Variants in TENM2 observed in about 807,000 individuals in gnomAD.
TENM2 encodes the protein teneurin transmembrane protein 2.
TENM2 carries 52 observed loss-of-function variants against 245.2 expected under a neutral mutation model. The observed-to-expected ratio is 0.21, with a 90% CI of 0.17 to 0.27. The LOEUF (loss-of-function observed/expected upper bound fraction) is 0.27, where lower values mean the gene tolerates loss of function less well. Among genes scored for constraint, TENM2 ranks in the 10% least tolerant of loss-of-function variants. The pLI, the probability that TENM2 is intolerant of heterozygous loss-of-function variation, is 1.00. For missense variants in TENM2, 3,046 were observed against 3,666.8 expected (o/e 0.83, Z 4.37); for synonymous variants, 1,363 against 1,438.9 (o/e 0.95, Z 1.19).
At chr5:167,585,420 T>A (rs1775418925) in intron 2 of TENM2, among the ~76,000 whole-genome samples, 1 of 152,222 alleles carries the variant, frequency 6.6e-6, no homozygotes, top group Non-Finnish European at 1.5e-5. Flanking sequence ...AGCATTGTGA[T>A]CATGAATACA....
intron 2 of TENM2, among the ~76,000 whole-genome samples, chr5:167,419,863 A>G (rs929983767): frequency 6.6e-6 from 1 of 152,224 alleles, no homozygotes; most frequent in African/African-American, 2.4e-5. Flanking sequence ...AATTGTAAGT[A>G]ACAAGAGGGG....
At chr5:167,181,215 G>C in the TENM2 span, among the ~76,000 whole-genome samples, 2 of 152,122 alleles carry the variant, frequency 1.3e-5, no homozygotes, top group African/African-American at 4.8e-5. Context: ...CAACAAAAAT[G>C]CTGACCTGGT....
chr5:167,257,100 A>G, the TENM2 span, among the ~76,000 whole-genome samples: 6 of 152,150 alleles, frequency 3.9e-5, no homozygotes, highest in Admixed American at 6.6e-5. Flanking sequence ...GCATCTTTCT[A>G]TCTGACAAGC....
At chr5:167,679,938 AC>A (rs751075092) in intron 2 of TENM2, among the ~76,000 whole-genome samples, 3 of 152,034 alleles carry the variant, frequency 2.0e-5, no homozygotes, top group Admixed American at 6.6e-5. Context: ...GGCCAAGATA[AC>A]CTTTATTTTT....
At chr5:167,234,034 A>AG in the TENM2 span, among the ~76,000 whole-genome samples, 37,330 of 151,894 alleles carry the variant, frequency 0.25, 6,092 homozygotes, top group African/African-American at 0.47. Flanking sequence ...AAGCAAGTAA[A>AG]AGCACTTTAA....
At chr5:167,808,088 T>C (rs927348228) in intron 2 of TENM2, among the ~76,000 whole-genome samples, 2 of 152,194 alleles carry the variant, frequency 1.3e-5, no homozygotes, top group African/African-American at 4.8e-5. Context: ...GGATGTAGTA[T>C]AGAATCTGAG....
intron 1 of TENM2, among the ~76,000 whole-genome samples, chr5:167,323,962 G>A (rs1373376745): frequency 6.6e-6 from 1 of 152,194 alleles, no homozygotes; most frequent in Admixed American, 6.5e-5. Flanking sequence ...CTATTCTGAT[G>A]TAAGATCAAG....
intron 13 of TENM2, among the ~76,000 whole-genome samples, chr5:168,171,585 T>A (rs1436759357): frequency 6.6e-6 from 1 of 152,156 alleles, no homozygotes; most frequent in Non-Finnish European, 1.5e-5. Flanking sequence ...TGTTCTTTTT[T>A]AAAAAAAGGG....
At chr5:168,008,393 G>A (rs1784984781) in intron 5 of TENM2, among the ~76,000 whole-genome samples, 1 of 152,152 alleles carries the variant, frequency 6.6e-6, no homozygotes, top group Non-Finnish European at 1.5e-5. Context: ...GCAATAGGGA[G>A]GTGCTTCAAG....
At chr5:167,615,158 G>A (rs2127757898) in intron 2 of TENM2, among the ~76,000 whole-genome samples, 1 of 152,120 alleles carries the variant, frequency 6.6e-6, no homozygotes, top group Admixed American at 6.5e-5. Flanking sequence ...ACCTAATAAG[G>A]ATTTTTATTA....
chr5:167,445,129 A>T (rs1447533974), intron 2 of TENM2, among the ~76,000 whole-genome samples: 1 of 152,024 alleles, frequency 6.6e-6, no homozygotes, highest in Non-Finnish European at 1.5e-5. Flanking sequence ...TATTGATAGT[A>T]GTAGTATCCA....
intron 2 of TENM2, among the ~76,000 whole-genome samples, chr5:167,702,441 C>A (rs956974989): frequency 2.0e-5 from 3 of 151,534 alleles, no homozygotes; most frequent in Non-Finnish European, 4.4e-5. Context: ...TACACTGATG[C>A]TATGATTTGG....
Position 167,452,964 on chromosome 5 carries a change from T to TTTAAATATATATATATATTTA in TENM2, c.502+77491_502+77492insTTAAATATATATATATATTTA, listed in dbSNP as rs1554157789. 8.2e-4 allele frequency among the ~76,000 whole-genome samples: 89 copies of TTTAAATATATATATATATTTA among 108,200 alleles called. 2 individuals carry two copies. The highest frequency in any genetic ancestry group is 1.1e-3 in the Non-Finnish European group (59 of 54,312). 71.0% of individuals were successfully genotyped at this position (108,200 alleles called of 152,430 possible). On this transcript the variant is annotated intron_variant, in intron 2 of 28. Transcript: ENST00000518659. ...ATATATATATATATATATATATATT[T>TTTAAATATATATATATATTTA]AAAAAAAAAAACACTGGTATGGCAG...
chr5:167,230,299 A>G, the TENM2 span, among the ~76,000 whole-genome samples: 1 of 152,118 alleles, frequency 6.6e-6, no homozygotes, highest in African/African-American at 2.4e-5. Context: ...GGGGTCTCTT[A>G]CTAAACCTTA....
chr5:167,436,240 C>T (rs931264643), intron 2 of TENM2, among the ~76,000 whole-genome samples: 1 of 151,894 alleles, frequency 6.6e-6, no homozygotes, highest in African/African-American at 2.4e-5. Context: ...GTGCCTACCA[C>T]CACACCCAGC....
the TENM2 span, among the ~76,000 whole-genome samples, chr5:167,138,290 T>G: frequency 6.6e-6 from 1 of 152,164 alleles, no homozygotes; most frequent in African/African-American, 2.4e-5. Flanking sequence ...GCAGTTAAAG[T>G]GTAATAAGAA....
chr5:167,470,916 A>G (rs1766984571), intron 2 of TENM2, among the ~76,000 whole-genome samples: 1 of 152,176 alleles, frequency 6.6e-6, no homozygotes, highest in Non-Finnish European at 1.5e-5. Flanking sequence ...TGGAAATTTG[A>G]TGAAAGAGCA....
At chr5:167,319,270 G>A (rs1446537510) in intron 1 of TENM2, among the ~76,000 whole-genome samples, 1 of 152,122 alleles carries the variant, frequency 6.6e-6, no homozygotes, top group Non-Finnish European at 1.5e-5. Context: ...ATATGACCTT[G>A]AGCAAGTGAA....
intron 2 of TENM2, among the ~76,000 whole-genome samples, chr5:167,830,359 G>A (rs1000048154): frequency 6.6e-6 from 1 of 152,116 alleles, no homozygotes; most frequent in Non-Finnish European, 1.5e-5. Context: ...AAAGAGAGCA[G>A]GCTCATTTTT....
Sources: allele counts gnomAD v4.1 joint callset (sites outside exome capture counted in the v4.1 genomes callset), GRCh38; gene constraint gnomAD v4.1.1; transcripts MANE v1.5; gene names NCBI Gene and HGNC (gene_info 2026-07-23, HGNC 2026-07-21).